Variants in ATF3 observed in about 807,000 individuals in gnomAD.
ATF3 encodes the protein cyclic AMP-dependent transcription factor ATF-3.
A neutral mutation model predicts 18.4 loss-of-function variants in ATF3; 10 were observed. That is an observed-to-expected ratio of 0.54 (90% CI 0.34 to 0.92). The LOEUF (loss-of-function observed/expected upper bound fraction) is 0.92, where lower values mean the gene tolerates loss of function less well. ATF3 is among the 40% of genes least tolerant of loss of function. ATF3 has a pLI of 0.02. For synonymous variants in ATF3, 78 were observed against 87.9 expected, an observed-to-expected ratio of 0.89 and a Z score of 0.63; for missense variants, 183 against 222.3, an observed-to-expected ratio of 0.82 and a Z score of 1.12.
intron 1 of ATF3, among the ~76,000 whole-genome samples, chr1:212,598,168 A>G (rs762500623): frequency 6.6e-6 from 1 of 152,258 alleles, no homozygotes; most frequent in Non-Finnish European, 1.5e-5. Flanking sequence ...AGAGAAAAAA[A>G]GTTACCCACC....
chr1:212,576,825 T>A (rs1460223247), intron 1 of ATF3, among the ~76,000 whole-genome samples: 1 of 144,934 alleles, frequency 6.9e-6, no homozygotes, highest in Non-Finnish European at 1.5e-5. Flanking sequence ...CCTCCCGGGT[T>A]CAAGTGATTC....
At chr1:212,612,687 C>G (rs1037757366) in intron 1 of ATF3, among the ~76,000 whole-genome samples, 1 of 152,240 alleles carries the variant, frequency 6.6e-6, no homozygotes, top group Non-Finnish European at 1.5e-5. Context: ...GAATTACATA[C>G]ATAGCCTGGG....
chr1:212,571,532 T>G (rs1253147474), intron 1 of ATF3, among the ~76,000 whole-genome samples: 1 of 151,712 alleles, frequency 6.6e-6, no homozygotes, highest in East Asian at 1.9e-4. Flanking sequence ...TTCAGCCTCC[T>G]GAGTAGCTGG....
At chr1:212,606,998 C>T (rs1485354509), upstream of ATF3, among the ~76,000 whole-genome samples, 1 of 151,950 alleles carries the variant, frequency 6.6e-6, no homozygotes, top group Non-Finnish European at 1.5e-5. Flanking sequence ...ACTTCCCGCG[C>T]GACGCCGCTG....
At chr1:212,573,406 T>C (rs2102621453) in intron 1 of ATF3, among the ~76,000 whole-genome samples, 1 of 152,170 alleles carries the variant, frequency 6.6e-6, no homozygotes, top group East Asian at 1.9e-4. Flanking sequence ...TATTATACTA[T>C]TGGATTTTAA....
At position 212,620,627 on chromosome 1, in the gene ATF3, T is replaced by C. The variant is rs1655347919; in HGVS notation, c.*1072T>C. The C allele has an allele frequency of 6.5e-6, 1 of 152,674 alleles. No individual in the cohort carries two copies. Among genetic ancestry groups the C allele is most frequent in the Non-Finnish European group, 1.5e-5 (1 of 68,046 alleles). The allele number at this position is 152,674 out of a possible 1,614,324, so 9.5% of individuals were successfully genotyped here. A position where few individuals can be genotyped will look rare whatever the true frequency, so the allele number is the denominator to read the frequency against. On this transcript the variant is annotated 3_prime_UTR_variant, in exon 4 of 4. Coordinates refer to ENST00000341491, the MANE Select transcript of ATF3 (RefSeq NM_001674.4). ...CACAAGGACGCTGGCTACTGTCTATTAAAATTCTGATGTTTCTGTGAAATT... is the reference window on the plus strand; with the variant it reads ...CACAAGGACGCTGGCTACTGTCTATCAAAATTCTGATGTTTCTGTGAAATT...
intron 1 of ATF3, among the ~76,000 whole-genome samples, chr1:212,582,171 A>G (rs1377828777): frequency 6.6e-6 from 1 of 152,194 alleles, no homozygotes; most frequent in East Asian, 1.9e-4. Flanking sequence ...ATTGAAGGGG[A>G]CAGACTTATA....
chr1:212,617,763 A>G lies in ATF3; in HGVS notation c.241-364A>G, dbSNP rs191348888. Among the ~76,000 whole-genome samples, 677 of 152,320 alleles carry G rather than the reference A, an allele frequency of 4.4e-3. 6 individuals are homozygous for G. The highest frequency in any genetic ancestry group is 0.015 in the African/African-American group (640 of 41,564). On this transcript the variant is annotated intron_variant, in intron 2 of 3. Transcript: ENST00000341491. ...TGGTTCTCAAAGAAAGGAGATGTTTACCAGACAGAATCTGTTTCGGCTTTA... is the reference window on the plus strand; with the variant it reads ...TGGTTCTCAAAGAAAGGAGATGTTTGCCAGACAGAATCTGTTTCGGCTTTA...
At chr1:212,594,491 C>G (rs1321332865) in intron 1 of ATF3, among the ~76,000 whole-genome samples, 8 of 152,102 alleles carry the variant, frequency 5.3e-5, no homozygotes, top group Admixed American at 5.2e-4. Flanking sequence ...GAACAGAGTC[C>G]TACTGGTGTC....
chr1:212,614,947 G>A, intron 1 of ATF3, 71 bp from the exon 2 acceptor site: 2 of 1,613,406 alleles, frequency 1.2e-6, no homozygotes, highest in African/African-American at 1.3e-5. Context: ...TTGGAGGTCT[G>A]GTGGGGGAGG....
chr1:212,592,318 G>A (rs1664902757), intron 1 of ATF3, among the ~76,000 whole-genome samples: 1 of 151,930 alleles, frequency 6.6e-6, no homozygotes, highest in South Asian at 2.1e-4. Flanking sequence ...TCCTTTTAAA[G>A]ACTGATAAGG....
At position 212,615,239 on chromosome 1, in the gene ATF3, G is replaced by A. The variant is rs1655064342; in HGVS notation, c.218G>A (p.Gly73Glu). The A allele has an allele frequency of 6.2e-7, 1 of 1,613,132 alleles. No individual in the cohort carries two copies. Among genetic ancestry groups the A allele is most frequent in the South Asian group, 1.1e-5 (1 of 91,068 alleles). The change falls in exon 2 of 4, where the codon GGG becomes GAG. Residue 73 changes from glycine to glutamate, a missense_variant. Physicochemically the swap from Gly to Glu is moderately conservative, Grantham distance 98. Coordinates refer to ENST00000341491, the MANE Select transcript of ATF3 (RefSeq NM_001674.4). ...GTCACTGTCAGCGACAGACCCCTCG[G>A]GGTGTCCATCACAAAAGCCGAGGTG... The part of the protein sequence containing the change: ...ESVTVSDRPL[G>E]VSITKAEVAP...
At chr1:212,615,871 C>T (rs1051418269) in intron 2 of ATF3, among the ~76,000 whole-genome samples, 2 of 149,370 alleles carry the variant, frequency 1.3e-5, no homozygotes, top group African/African-American at 2.5e-5. Flanking sequence ...CTCATTGTAG[C>T]CTCAGTCTCC....
At chr1:212,589,325 A>G (rs1475837150) in intron 1 of ATF3, among the ~76,000 whole-genome samples, 1 of 152,202 alleles carries the variant, frequency 6.6e-6, no homozygotes. Flanking sequence ...TAAAGGTACA[A>G]ATAGCAGATA....
upstream of ATF3, among the ~76,000 whole-genome samples, chr1:212,604,931 G>A (rs976583327): frequency 6.6e-6 from 1 of 152,172 alleles, no homozygotes; most frequent in African/African-American, 2.4e-5. Context: ...GGGGAACGAG[G>A]ATGGCTTTCA....
At chr1:212,592,926 A>G (rs28516729) in intron 1 of ATF3, among the ~76,000 whole-genome samples, 6,771 of 152,152 alleles carry the variant, frequency 0.045, 520 homozygotes, top group African/African-American at 0.15. Context: ...TGACCCAGCC[A>G]TCCCATTACT....
At position 212,608,791 on chromosome 1, in the gene ATF3, C is replaced by G. The variant is rs927091974; in HGVS notation, c.-144C>G. 1 of 152,476 alleles carries G rather than the reference C, an allele frequency of 6.6e-6. No individual in the cohort carries two copies. The highest frequency in any genetic ancestry group is 1.5e-5 in the Non-Finnish European group (1 of 68,292). The allele number at this position is 152,476 out of a possible 1,614,324, so 9.4% of individuals were successfully genotyped here. ...CGCACGCAGCCAGGCGCGCACTGCACAGCTCTCTTCTCTCGCCGCCGCCCG... is the reference window on the plus strand; with the variant it reads ...CGCACGCAGCCAGGCGCGCACTGCAGAGCTCTCTTCTCTCGCCGCCGCCCG... On this transcript the variant is annotated 5_prime_UTR_variant, in exon 1 of 4. Coordinates refer to ENST00000341491, the MANE Select transcript of ATF3 (RefSeq NM_001674.4).
chr1:212,592,108 T>C (rs1006276775), intron 1 of ATF3, among the ~76,000 whole-genome samples: 2 of 152,152 alleles, frequency 1.3e-5, no homozygotes, highest in Admixed American at 6.5e-5. Context: ...TCCAGAACAT[T>C]TGCATCATAA....
intron 1 of ATF3, among the ~76,000 whole-genome samples, chr1:212,576,716 C>CTTTTTTTTTTTTTTTTT (rs761124416): frequency 2.6e-5 from 2 of 78,256 alleles, no homozygotes; most frequent in African/African-American, 5.1e-5. Context: ...CTTTTCTTTT[C>CTTTTTTTTTTTTTTTTT]TTTTCTTTTT....
Sources: allele counts gnomAD v4.1 joint callset (sites outside exome capture counted in the v4.1 genomes callset), GRCh38; gene constraint gnomAD v4.1.1; transcripts MANE v1.5; gene names NCBI Gene and HGNC (gene_info 2026-07-23, HGNC 2026-07-21).